The following GRM7 variants were observed in gnomAD, a reference collection of about 807,000 sequenced individuals.
GRM7 encodes the protein metabotropic glutamate receptor 7.
A neutral mutation model predicts 84.5 loss-of-function variants in GRM7; 35 were observed. The ratio of observed to expected loss-of-function variants is 0.41; its 90% confidence interval spans 0.32 to 0.55. The LOEUF is 0.55. Ranked by LOEUF, GRM7 falls within the 20% of genes least tolerant of loss-of-function variation. GRM7 has a pLI of 0.19. For missense variants in GRM7, 1,003 were observed against 1,194.6 expected (o/e 0.84, Z 2.36); for synonymous variants, 487 against 455.1 (o/e 1.07, Z -0.89).
chr3:7,328,210 A>G (rs921644950), intron 4 of GRM7, among the ~76,000 whole-genome samples: 21 of 152,220 alleles, frequency 1.4e-4, no homozygotes, highest in Non-Finnish European at 3.1e-4. Flanking sequence ...ACAGATTAGG[A>G]AAAATTTTCT....
At chr3:7,233,518 GCCTTGAAGCTTATTTAAT>G (rs1473516664) in intron 2 of GRM7, among the ~76,000 whole-genome samples, 7 of 152,076 alleles carry the variant, frequency 4.6e-5, no homozygotes. Context: ...GTTTCTTAAA[GCCTTGAAGCTTATTTAAT>G]CTGAGGAGAT....
chr3:7,612,647 G>A (rs891816237), intron 8 of GRM7, among the ~76,000 whole-genome samples: 9 of 152,296 alleles, frequency 5.9e-5, no homozygotes, highest in African/African-American at 1.9e-4. Context: ...ACTTCTCCGC[G>A]TGGCATCAGA....
intron 1 of GRM7, among the ~76,000 whole-genome samples, chr3:6,973,798 A>G (rs974158829): frequency 6.6e-6 from 1 of 152,192 alleles, no homozygotes; most frequent in Non-Finnish European, 1.5e-5. Flanking sequence ...GTGAAAGGAG[A>G]TGGAGTCAGA....
In GRM7 at chr3:6,868,173, G is replaced by A. The variant is rs1694999345; in HGVS notation, c.519+6266G>A. Among the ~76,000 whole-genome samples the A allele has an allele frequency of 2.6e-5, 4 of 152,244 alleles. No homozygotes were observed. The South Asian group carries it at 8.3e-4, about 32-fold the overall frequency. The stretch of plus-strand genomic sequence containing the variant: ...ATTCTCATCCCATTGTTCAGCTCAG[G>A]AAAGTGATTCTCATAGCCCAAAGTC... On this transcript the variant is annotated intron_variant, in intron 1 of 9. Transcript: ENST00000357716.
At chr3:7,111,192 C>CA (rs138073356) in intron 1 of GRM7, among the ~76,000 whole-genome samples, 2,456 of 152,166 alleles carry the variant, frequency 0.016, 56 homozygotes, top group African/African-American at 0.056. Context: ...TGTCCATACT[C>CA]AGGTGCAGAG....
intron 1 of GRM7, among the ~76,000 whole-genome samples, chr3:6,926,811 G>A (rs184958349): frequency 1.3e-5 from 2 of 152,266 alleles, no homozygotes; most frequent in East Asian, 3.9e-4. Flanking sequence ...CTTTTGATAG[G>A]CCTTAATGTT....
intron 1 of GRM7, among the ~76,000 whole-genome samples, chr3:6,939,367 C>CT: frequency 6.6e-6 from 1 of 152,008 alleles, no homozygotes; most frequent in South Asian, 2.1e-4. Flanking sequence ...CATAGGATAA[C>CT]ACCTCCTACC....
intron 7 of GRM7, among the ~76,000 whole-genome samples, chr3:7,574,107 AT>A: frequency 7.0e-6 from 1 of 143,160 alleles, no homozygotes; most frequent in East Asian, 2.1e-4. Context: ...TTTTTATTTT[AT>A]TTTTATTATT....
rs150168459 is a variant in GRM7 at position 7,610,615 on chromosome 3, A to G, written c.2451+31258A>G. On this transcript the variant is annotated intron_variant, in intron 8 of 9. Coordinates refer to ENST00000357716, the MANE Select transcript of GRM7 (RefSeq NM_000844.4). ...AACAAAAAGAAGTACACCAGGAAAAACATCAGCTATTGCAAAGGTGGCAAA... is the reference window on the plus strand; with the variant it reads ...AACAAAAAGAAGTACACCAGGAAAAGCATCAGCTATTGCAAAGGTGGCAAA... 7.3e-3 allele frequency among the ~76,000 whole-genome samples: 1,116 copies of G among 152,300 alleles called. 14 individuals carry two copies. Among genetic ancestry groups the G allele is most frequent in the African/African-American group, 0.025 (1,058 of 41,562 alleles).
intron 7 of GRM7, among the ~76,000 whole-genome samples, chr3:7,498,542 A>G (rs1328628552): frequency 2.0e-5 from 3 of 152,120 alleles, no homozygotes; most frequent in Admixed American, 1.3e-4. Context: ...CCTAGGGTTG[A>G]ATCCGGATTC....
At chr3:7,174,722 A>C (rs1034693690) in intron 2 of GRM7, among the ~76,000 whole-genome samples, 1 of 151,774 alleles carries the variant, frequency 6.6e-6, no homozygotes, top group South Asian at 2.1e-4. Flanking sequence ...CTTCACAAAA[A>C]CTCCAATTTC....
intron 1 of GRM7, among the ~76,000 whole-genome samples, chr3:7,115,265 T>A (rs1266492597): frequency 2.0e-5 from 3 of 152,170 alleles, no homozygotes; most frequent in Non-Finnish European, 4.4e-5. Flanking sequence ...TGGTTCTCCA[T>A]CTGCTTAAAG....
intron 4 of GRM7, among the ~76,000 whole-genome samples, chr3:7,352,475 C>G (rs568500325): frequency 6.6e-6 from 1 of 152,174 alleles, no homozygotes; most frequent in African/African-American, 2.4e-5. Flanking sequence ...CTAAATGTTT[C>G]TAAGTATGCC....
intron 1 of GRM7, among the ~76,000 whole-genome samples, chr3:7,068,136 A>G (rs1278631726): frequency 6.6e-6 from 1 of 152,010 alleles, no homozygotes; most frequent in East Asian, 1.9e-4. Flanking sequence ...ATGGAAATGA[A>G]AAATAGACTT....
At chr3:7,711,739 C>A (rs577851312) in intron 9 of GRM7, among the ~76,000 whole-genome samples, 2 of 152,188 alleles carry the variant, frequency 1.3e-5, no homozygotes, top group Non-Finnish European at 2.9e-5. Flanking sequence ...GTGTTACACA[C>A]GCGGCACCAT....
At chr3:7,706,516 G>A (rs779982128) in intron 9 of GRM7, among the ~76,000 whole-genome samples, 2 of 152,128 alleles carry the variant, frequency 1.3e-5, no homozygotes, top group African/African-American at 2.4e-5. Flanking sequence ...TTCAATGAAA[G>A]CTGTTATACT....
chr3:7,528,828 G>A (rs1700912671), intron 7 of GRM7, among the ~76,000 whole-genome samples: 1 of 151,950 alleles, frequency 6.6e-6, no homozygotes, highest in Non-Finnish European at 1.5e-5. Flanking sequence ...GTGGTTTTGA[G>A]AGTGCCTTTT....
At chr3:7,419,210 A>G (rs73810636) in intron 5 of GRM7, among the ~76,000 whole-genome samples, 175 of 152,262 alleles carry the variant, frequency 1.1e-3, no homozygotes, top group African/African-American at 4.2e-3. Context: ...TTGAGTATCA[A>G]AGAGTTTGCA....
intron 1 of GRM7, among the ~76,000 whole-genome samples, chr3:6,916,224 G>A (rs1696933807): frequency 6.6e-6 from 1 of 152,140 alleles, no homozygotes; most frequent in Admixed American, 6.6e-5. Flanking sequence ...TTCTGTTTTG[G>A]AAAGCTTGAT....
Sources: gnomAD v4.1 joint callset for allele counts (sites outside exome capture counted in the v4.1 genomes callset) on GRCh38, gnomAD v4.1.1 for gene constraint, MANE v1.5 for transcripts, NCBI Gene and HGNC (gene_info 2026-07-23, HGNC 2026-07-21) for gene names.